IQCM: variants seen among roughly 807,000 people sequenced by gnomAD.
IQCM encodes the protein IQ domain-containing protein M.
A neutral mutation model predicts 57.6 loss-of-function variants in IQCM; 45 were observed. That is an observed-to-expected ratio of 0.78 (90% CI 0.62 to 1.00). The LOEUF (loss-of-function observed/expected upper bound fraction) is 1.00. Ranked by LOEUF, IQCM falls within the 50% of genes least tolerant of loss-of-function variation. IQCM has a pLI of 0.00. For synonymous variants in IQCM, 148 were observed against 158.9 expected, an observed-to-expected ratio of 0.93 and a Z score of 0.51; for missense variants, 468 against 511.6, an observed-to-expected ratio of 0.91 and a Z score of 0.82.
At chr4:149,598,933 A>T (rs1490026652) in intron 8 of IQCM, among the ~76,000 whole-genome samples, 1 of 152,146 alleles carries the variant, frequency 6.6e-6, no homozygotes, top group Admixed American at 6.6e-5. Context: ...TCAATTATTC[A>T]GGTAATCAAT....
intron 12 of IQCM, among the ~76,000 whole-genome samples, chr4:149,500,215 A>G (rs938021685): frequency 2.0e-5 from 3 of 152,206 alleles, no homozygotes; most frequent in Non-Finnish European, 4.4e-5. Flanking sequence ...ACTTATCAAT[A>G]GTGGGAGAGA....
chr4:149,508,646 T>C (rs796714049), intron 12 of IQCM, among the ~76,000 whole-genome samples: 74 of 152,336 alleles, frequency 4.9e-4, no homozygotes, highest in African/African-American at 1.3e-3. Context: ...TATAGGCTCA[T>C]AGGTGTAAGG....
At chr4:149,577,444 C>T (rs1417384833) in intron 9 of IQCM, among the ~76,000 whole-genome samples, 1 of 151,970 alleles carries the variant, frequency 6.6e-6, no homozygotes, top group African/African-American at 2.4e-5. Context: ...TAATCTCCTA[C>T]ATATAGCTAG....
intron 5 of IQCM, among the ~76,000 whole-genome samples, chr4:149,707,183 A>G (rs1048547585): frequency 4.6e-5 from 7 of 152,040 alleles, no homozygotes; most frequent in African/African-American, 1.7e-4. Flanking sequence ...TAAACTGGCT[A>G]ATGGTAGTAG....
intron 12 of IQCM, among the ~76,000 whole-genome samples, chr4:149,512,501 G>A (rs1021800093): frequency 2.0e-5 from 3 of 152,150 alleles, no homozygotes; most frequent in African/African-American, 7.2e-5. Flanking sequence ...TTAATGGACA[G>A]CTTTTGACAT....
intron 8 of IQCM, among the ~76,000 whole-genome samples, chr4:149,613,416 G>T (rs143149635): frequency 6.6e-6 from 1 of 151,908 alleles, no homozygotes; most frequent in African/African-American, 2.4e-5. Context: ...AATCTCCTTC[G>T]ATTCTCCCCA....
intron 5 of IQCM, among the ~76,000 whole-genome samples, chr4:149,701,014 A>T (rs1050185343): frequency 6.6e-6 from 1 of 152,020 alleles, no homozygotes; most frequent in Non-Finnish European, 1.5e-5. Context: ...TGGAGAATAT[A>T]GGAGACTTAG....
At chr4:149,758,541 A>C (rs886133192) in intron 2 of IQCM, among the ~76,000 whole-genome samples, 2 of 152,214 alleles carry the variant, frequency 1.3e-5, no homozygotes, top group African/African-American at 4.8e-5. Context: ...ATGAGAAGAC[A>C]AGCCACAGAC....
Position 149,354,382 on chromosome 4 carries a change from A to AAAAAAAAAAC in IQCM, c.1391-2317_1391-2316insGTTTTTTTTT, listed in dbSNP as rs764445072. ...CCGTCTCAAAAAAAAAAAAAAAAAAAAAAAAAACTGACAAATTAGGCCACA... is the reference window on the plus strand; with the variant it reads ...CCGTCTCAAAAAAAAAAAAAAAAAAAAAAAAAAAACAAAAAAACTGACAAATTAGGCCACA... On this transcript the variant is annotated intron_variant, in intron 13 of 13. Transcript: ENST00000636793. 7.3e-5 allele frequency among the ~76,000 whole-genome samples: 10 copies of AAAAAAAAAAC among 136,480 alleles called. 1 individual carries two copies. In the South Asian group the frequency reaches 7.5e-4, roughly 10 times the overall value. The allele number at this position is 136,480 out of a possible 152,430, so 89.5% of individuals were successfully genotyped here. A position where few individuals can be genotyped will look rare whatever the true frequency, so the allele number is the denominator to read the frequency against.
chr4:149,815,522 C>T (rs1029695458), intron 1 of IQCM, 78 bp downstream of exon 1: 4 of 151,808 alleles, frequency 2.6e-5, no homozygotes, highest in Admixed American at 2.6e-4. Context: ...ATGTGCCTTG[C>T]AGAAAGTGTG....
At chr4:149,561,524 C>T (rs2149932116) in intron 10 of IQCM, among the ~76,000 whole-genome samples, 1 of 152,208 alleles carries the variant, frequency 6.6e-6, no homozygotes, top group South Asian at 2.1e-4. Context: ...CAATCAAATA[C>T]AATAGGTATT....
chr4:149,458,708 T>C (rs1737957944), intron 12 of IQCM, among the ~76,000 whole-genome samples: 1 of 152,160 alleles, frequency 6.6e-6, no homozygotes, highest in Admixed American at 6.6e-5. Flanking sequence ...TCTTAAACGT[T>C]CTAAAAGCTA....
At chr4:149,694,919 TCTCTC>T (rs1356825115) in intron 5 of IQCM, among the ~76,000 whole-genome samples, 1 of 152,228 alleles carries the variant, frequency 6.6e-6, no homozygotes, top group Non-Finnish European at 1.5e-5. Context: ...TTCTCACCTT[TCTCTC>T]TTTTTAAGAC....
At chr4:149,383,176 G>C (rs1391805707) in intron 13 of IQCM, among the ~76,000 whole-genome samples, 1 of 152,006 alleles carries the variant, frequency 6.6e-6, no homozygotes, top group Non-Finnish European at 1.5e-5. Flanking sequence ...TTTGATGTCT[G>C]GTTAGATTGG....
chr4:149,716,425 C>G lies in IQCM; in HGVS notation c.385+16819G>C, dbSNP rs185198650. Among the ~76,000 whole-genome samples the G allele has an allele frequency of 4.5e-3, 678 of 152,304 alleles. 9 individuals are homozygous for G. The highest frequency in any genetic ancestry group is 7.4e-3 in the Non-Finnish European group (505 of 68,012). ...GCCAGCAGGAACAGGCATTTCTGAG[C>G]CTGTGGGGGCAGGTGGAGCCTCCCA... On this transcript the variant is annotated intron_variant, in intron 5 of 13. Transcript: ENST00000636793.
chr4:149,754,026 C>G (rs1768724415), intron 2 of IQCM, among the ~76,000 whole-genome samples: 2 of 152,156 alleles, frequency 1.3e-5, no homozygotes, highest in South Asian at 2.1e-4. Context: ...TTCCCATTCT[C>G]TTTTGAACTG....
At position 149,746,272 on chromosome 4, in the gene IQCM, C is replaced by T. The variant is rs557929943; in HGVS notation, c.-48-3533G>A. ...AATTGTACCTATATCTACCTAGTTG[C>T]TCAAGCCATAAATCTTTTATTTCTC... On this transcript the variant is annotated intron_variant, in intron 2 of 13. Coordinates refer to ENST00000636793, the MANE Select transcript of IQCM (RefSeq NM_001363507.2). Among the ~76,000 whole-genome samples, 4 of 152,252 alleles carry T rather than the reference C, an allele frequency of 2.6e-5. No homozygotes were observed. In the South Asian group the frequency reaches 6.2e-4, roughly 24 times the overall value.
chr4:149,497,203 C>A (rs1742746452), intron 12 of IQCM, among the ~76,000 whole-genome samples: 1 of 152,040 alleles, frequency 6.6e-6, no homozygotes, highest in Admixed American at 6.6e-5. Context: ...GGATCCTGGG[C>A]TTTCTGGGAG....
intron 5 of IQCM, among the ~76,000 whole-genome samples, chr4:149,696,213 T>C (rs1472004588): frequency 6.6e-6 from 1 of 152,152 alleles, no homozygotes; most frequent in Non-Finnish European, 1.5e-5. Context: ...ATGACTTCCA[T>C]GGTAGCACAC....
Sources: gnomAD v4.1 joint callset for allele counts (sites outside exome capture counted in the v4.1 genomes callset) on GRCh38, gnomAD v4.1.1 for gene constraint, MANE v1.5 for transcripts, NCBI Gene and HGNC (gene_info 2026-07-23, HGNC 2026-07-21) for gene names.